NDRG1: variants seen among roughly 807,000 people sequenced by gnomAD.
The protein encoded by NDRG1 is protein NDRG1.
A neutral mutation model predicts 56.9 loss-of-function variants in NDRG1; 32 were observed. The observed-to-expected ratio is 0.56, with a 90% CI of 0.42 to 0.76. The LOEUF (loss-of-function observed/expected upper bound fraction) is 0.76, where lower values mean the gene tolerates loss of function less well. Ranked by LOEUF, NDRG1 falls within the 30% of genes least tolerant of loss-of-function variation. The pLI is 0.00. For missense variants in NDRG1, 507 were observed against 545.7 expected (o/e 0.93, Z 0.71); for synonymous variants, 211 against 204.1 (o/e 1.03, Z -0.29).
intron 4 of NDRG1, among the ~76,000 whole-genome samples, chr8:133,264,237 T>G (rs184231727): frequency 2.0e-4 from 31 of 152,350 alleles, no homozygotes; most frequent in Non-Finnish European, 4.1e-4. Flanking sequence ...TCCAAAATTG[T>G]GCTGATCGTT....
intron 1 of NDRG1, among the ~76,000 whole-genome samples, chr8:133,290,452 A>C (rs1228613717): frequency 6.6e-6 from 1 of 152,208 alleles, no homozygotes; most frequent in Non-Finnish European, 1.5e-5. Flanking sequence ...AGACGGGGAA[A>C]CTGAGGCATC....
chr8:133,290,068 C>A (rs1007864039), intron 1 of NDRG1, among the ~76,000 whole-genome samples: 6 of 152,118 alleles, frequency 3.9e-5, no homozygotes, highest in Non-Finnish European at 7.4e-5. Context: ...CCAGATTAGC[C>A]CCGCACCTTG....
chr8:133,249,022 C>CT (rs973597221), intron 10 of NDRG1, among the ~76,000 whole-genome samples: 2 of 151,934 alleles, frequency 1.3e-5, no homozygotes, highest in African/African-American at 2.4e-5. Flanking sequence ...ATTTGTGGGG[C>CT]TTTTTTTTCC....
chr8:133,255,541 A>G (rs1856324134), intron 8 of NDRG1: 2 of 344,868 alleles, frequency 5.8e-6, no homozygotes, highest in South Asian at 4.3e-5. Context: ...CAGGACAGCT[A>G]TCATGAAGCC....
chr8:133,267,776 C>T (rs977983565), intron 3 of NDRG1, among the ~76,000 whole-genome samples: 2 of 152,184 alleles, frequency 1.3e-5, no homozygotes, highest in African/African-American at 2.4e-5. Context: ...CCCCAACCTC[C>T]GAGCCTCCAG....
chr8:133,250,482 A>G lies in NDRG1; in HGVS notation c.656T>C (p.Met219Thr). The G allele has an allele frequency of 6.2e-7, 1 of 1,614,126 alleles. No homozygotes were observed. The highest frequency in any genetic ancestry group is 8.5e-7 in the Non-Finnish European group (1 of 1,180,014). Residue 219 changes from methionine to threonine, a missense_variant, in exon 10 of 16, where the codon ATG becomes ACG. Coordinates refer to ENST00000323851, the MANE Select transcript of NDRG1 (RefSeq NM_006096.4). Reference sequence around the variant, plus strand: ...GAACAGGTGCAGGTTGCCGGGGTTCATGTCATTCACAATGTGCTGGCGGTA... The same window carrying G: ...GAACAGGTGCAGGTTGCCGGGGTTCGTGTCATTCACAATGTGCTGGCGGTA... Reference protein sequence around the residue: ...HTYRQHIVNDMNPGNLHLFIN... With the variant: ...HTYRQHIVNDTNPGNLHLFIN...
rs566605930 is a variant in NDRG1, at chr8:133,261,973, G to A, written c.326+74C>T. 9 of 1,512,498 alleles carry A rather than the reference G, an allele frequency of 6.0e-6. No homozygotes were observed. In the East Asian group the frequency reaches 2.1e-4, roughly 35 times the overall value. 93.7% of individuals were successfully genotyped at this position (1,512,498 alleles called of 1,614,324 possible). ...TACCACAGTTAAAAAGTATTTAAAA[G>A]AGCAAAGCACCTGAACCCCTCCCCG... On this transcript the variant is annotated intron_variant, in intron 5 of 15. Coordinates refer to ENST00000323851, the MANE Select transcript of NDRG1 (RefSeq NM_006096.4).
At chr8:133,259,503 T>A in intron 5 of NDRG1, 1 of 512,344 alleles carries the variant, frequency 2.0e-6, no homozygotes, top group South Asian at 2.1e-5. Flanking sequence ...GGATTTCCCC[T>A]CATAGCAAGA....
In NDRG1 at chr8:133,262,145, G is replaced by A. The variant is rs1586446509; in HGVS notation, c.228C>T (p.Leu76=). Residue 76 remains leucine, a synonymous_variant, in exon 5 of 16, where the codon CTC becomes CTT. Transcript: ENST00000323851. ...GMNHKTCYNP[L]FNYEDMQEIT... is the part of the protein sequence containing the mutation. ...TCTCCTGCATGTCCTCGTAGTTGAA[G>A]AGGGGGTTGTAGCAGGTTTTGTCTG... is the stretch of plus-strand genomic sequence containing the variant. The A allele has an allele frequency of 4.3e-6, 7 of 1,614,144 alleles. No homozygotes were observed. The highest frequency in any genetic ancestry group is 1.6e-4 in the Middle Eastern group (1 of 6,062).
intron 9 of NDRG1, among the ~76,000 whole-genome samples, chr8:133,254,080 A>G (rs7821855): frequency 8.4e-6 from 1 of 118,752 alleles, no homozygotes; most frequent in Admixed American, 8.4e-5. Flanking sequence ...CCAGACCAAA[A>G]AAAAAAAAAA....
intron 3 of NDRG1, among the ~76,000 whole-genome samples, chr8:133,278,887 C>CTTTT (rs34187643): frequency 8.0e-6 from 1 of 125,610 alleles, no homozygotes; most frequent in Non-Finnish European, 1.6e-5. Context: ...CTCTCTTCTT[C>CTTTT]TTTTTTTTTT....
intron 1 of NDRG1, chr8:133,296,491 C>G (rs938958029): frequency 2.2e-6 from 1 of 456,136 alleles, no homozygotes; most frequent in Non-Finnish European, 4.4e-6. Flanking sequence ...CCCACACACA[C>G]GCTTACACTC....
intron 4 of NDRG1, 144 bp downstream of exon 4, chr8:133,264,403 G>A: frequency 1.3e-6 from 1 of 761,544 alleles, no homozygotes; most frequent in South Asian, 1.5e-5. Flanking sequence ...CCAGGCTGTG[G>A]CAAGAGTTCT....
chr8:133,261,359 C>T (rs1856652169), intron 5 of NDRG1, among the ~76,000 whole-genome samples: 1 of 152,150 alleles, frequency 6.6e-6, no homozygotes, highest in Non-Finnish European at 1.5e-5. Context: ...CTCAAACTCC[C>T]AACCTCGGTG....
chr8:133,238,879 T>C lies in NDRG1; in HGVS notation c.1184A>G (p.Ter395TrpextTer11). 2 of 1,553,236 alleles carry C rather than the reference T, an allele frequency of 1.3e-6. No homozygotes were observed. Among genetic ancestry groups the C allele is most frequent in the Non-Finnish European group, 8.7e-7 (1 of 1,149,818 alleles). Residue 395 changes from the stop codon to tryptophan (W), a stop_lost, in exon 16 of 16, where the codon TAG (stop) becomes TGG (tryptophan). Coordinates refer to ENST00000323851, the MANE Select transcript of NDRG1 (RefSeq NM_006096.4). ...AGPKSMEVSC[*>W] Reference sequence around the variant, plus strand: ...GGGGGCGGCAGCTGGGCAGGCCGCCTAGCAGGAGACCTCCATGGACTTGGG... The same window carrying C: ...GGGGGCGGCAGCTGGGCAGGCCGCCCAGCAGGAGACCTCCATGGACTTGGG...
intron 15 of NDRG1, chr8:133,239,602 C>A (rs888022724): frequency 1.0e-5 from 2 of 193,540 alleles, no homozygotes; most frequent in African/African-American, 2.3e-5. Context: ...AAGTTCCCGG[C>A]ATGGCTATTC....
At chr8:133,284,076 G>A (rs1857963604) in intron 2 of NDRG1, among the ~76,000 whole-genome samples, 173 bp downstream of exon 2, 1 of 152,056 alleles carries the variant, frequency 6.6e-6, no homozygotes, top group South Asian at 2.1e-4. Flanking sequence ...ATGTGTGTCT[G>A]TATGCTATGT....
chr8:133,244,977 G>C (rs1385834362), intron 13 of NDRG1, among the ~76,000 whole-genome samples: 1 of 152,180 alleles, frequency 6.6e-6, no homozygotes, highest in Non-Finnish European at 1.5e-5. Context: ...CTGACGGCAA[G>C]GGAGCAGGGG....
chr8:133,286,042 G>A (rs1028364823), intron 1 of NDRG1, among the ~76,000 whole-genome samples: 5 of 152,138 alleles, frequency 3.3e-5, no homozygotes, highest in South Asian at 2.1e-4. Flanking sequence ...TCAGCAAAGC[G>A]CGCCAGGGTG....
Sources: gnomAD v4.1 joint callset for allele counts (sites outside exome capture counted in the v4.1 genomes callset) on GRCh38, gnomAD v4.1.1 for gene constraint, MANE v1.5 for transcripts, NCBI Gene and HGNC (gene_info 2026-07-23, HGNC 2026-07-21) for gene names.